The following GPHN variants were observed in gnomAD, a reference collection of about 807,000 sequenced individuals.
The protein encoded by GPHN is gephyrin.
GPHN carries 17 observed loss-of-function variants against 95.5 expected under a neutral mutation model. The ratio of observed to expected loss-of-function variants is 0.18; its 90% CI spans 0.12 to 0.27. The LOEUF (loss-of-function observed/expected upper bound fraction) is 0.27, where lower values mean the gene tolerates loss of function less well. Among genes scored for constraint, GPHN ranks in the 10% least tolerant of loss-of-function variants. The pLI is 1.00. For missense variants in GPHN, 660 were observed against 978.1 expected, an observed-to-expected ratio of 0.67 and a Z score of 4.34; for synonymous variants, 320 against 322.5, an observed-to-expected ratio of 0.99 and a Z score of 0.08.
the GPHN span, among the ~76,000 whole-genome samples, chr14:67,531,652 T>C: frequency 6.6e-6 from 1 of 150,484 alleles, no homozygotes; most frequent in Non-Finnish European, 1.5e-5. Context: ...CGGTGGCTCA[T>C]CCCTGTAATC....
the GPHN span, among the ~76,000 whole-genome samples, chr14:67,476,118 T>C: frequency 6.6e-6 from 1 of 152,068 alleles, no homozygotes; most frequent in Non-Finnish European, 1.5e-5. Context: ...CTCTCCAAGG[T>C]GGGAGAAAAG....
chr14:66,913,069 AG>A (rs1166384756), intron 5 of GPHN, among the ~76,000 whole-genome samples: 4 of 152,150 alleles, frequency 2.6e-5, no homozygotes, highest in Non-Finnish European at 5.9e-5. Flanking sequence ...GGAGGGGATA[AG>A]GGTGGTATGG....
intron 2 of GPHN, among the ~76,000 whole-genome samples, chr14:66,729,807 G>T (rs1186441029): frequency 6.6e-6 from 1 of 152,190 alleles, no homozygotes; most frequent in Non-Finnish European, 1.5e-5. Context: ...ACTTTTGTGG[G>T]CACTGATAGT....
At chr14:67,495,810 C>A in the GPHN span, among the ~76,000 whole-genome samples, 4 of 152,164 alleles carry the variant, frequency 2.6e-5, no homozygotes, top group Non-Finnish European at 5.9e-5. Context: ...TATTTTATTT[C>A]CCCTAAAGTT....
rs767550817 is a variant in GPHN, at chr14:67,110,264, G to A, written c.1413+5G>A. On this transcript the variant is annotated splice_donor_5th_base_variant and intron_variant, in intron 14 of 22. Coordinates refer to ENST00000478722, the MANE Select transcript of GPHN (RefSeq NM_020806.5). ...CTTATCAGGGAATCAGATGATGTAC[G>A]TCATCACCAAGTCTTACTGTGCTGT... 10 of 1,613,136 alleles carry A rather than the reference G, an allele frequency of 6.2e-6. No homozygotes were observed. The highest frequency in any genetic ancestry group is 1.7e-5 in the Admixed American group (1 of 60,012).
At chr14:67,624,203 G>A in the GPHN span, among the ~76,000 whole-genome samples, 1 of 152,198 alleles carries the variant, frequency 6.6e-6, no homozygotes, top group African/African-American at 2.4e-5. Flanking sequence ...TACCATGTGA[G>A]AAGGAGTGGG....
chr14:66,827,745 A>C (rs1188943710), intron 4 of GPHN, among the ~76,000 whole-genome samples: 1 of 152,006 alleles, frequency 6.6e-6, no homozygotes, highest in Admixed American at 6.6e-5. Flanking sequence ...TTATTTCTTA[A>C]TTTTGGTAGG....
Position 67,082,332 on chromosome 14 carries a change from A to C in GPHN, c.1145-6651A>C, listed in dbSNP as rs2076724663. On this transcript the variant is annotated intron_variant, in intron 11 of 22. Transcript: ENST00000478722. ...TATATAGTATAATTGTAAGAGTCCA[A>C]TTTTATTCTTTTGCATTTGGGTATC... Among the ~76,000 whole-genome samples the C allele has an allele frequency of 2.0e-5, 3 of 151,908 alleles. No individual in the cohort carries two copies. In the South Asian group the frequency reaches 6.2e-4, roughly 32 times the overall value.
intron 1 of GPHN, among the ~76,000 whole-genome samples, chr14:66,621,242 T>TGGGGTGG (rs1194137706): frequency 1.3e-5 from 2 of 151,258 alleles, no homozygotes; most frequent in Non-Finnish European, 2.9e-5. Context: ...CCCAAAGTGC[T>TGGGGTGG]GGGATTACAG....
At chr14:67,588,628 C>T in the GPHN span, 3 of 152,094 alleles carry the variant, frequency 2.0e-5, no homozygotes, top group African/African-American at 4.8e-5. Context: ...AAAAACAAAA[C>T]GAAAGAGTTC....
chr14:67,133,024 T>C (rs190893970), intron 17 of GPHN, among the ~76,000 whole-genome samples: 2 of 152,208 alleles, frequency 1.3e-5, no homozygotes, highest in Admixed American at 1.3e-4. Context: ...TCTTCTTTCT[T>C]TACATGACTC....
intron 18 of GPHN, among the ~76,000 whole-genome samples, chr14:67,153,157 G>C (rs1165942871): frequency 6.6e-6 from 1 of 152,090 alleles, no homozygotes; most frequent in Non-Finnish European, 1.5e-5. Context: ...AAATTAGCTA[G>C]GCATAGTGGT....
At chr14:66,650,110 G>A (rs7153901) in intron 1 of GPHN, among the ~76,000 whole-genome samples, 1,813 of 150,760 alleles carry the variant, frequency 0.012, 26 homozygotes, top group African/African-American at 0.04. Context: ...AAAAAAAGCT[G>A]CATTTAAAAG....
chr14:67,015,447 A>C (rs112820045), intron 9 of GPHN, among the ~76,000 whole-genome samples: 2,384 of 152,222 alleles, frequency 0.016, 33 homozygotes, highest in Non-Finnish European at 0.018. Context: ...GCCTGTAATC[A>C]CAGCACTTTG....
chr14:66,670,556 G>T (rs1476038930), intron 1 of GPHN, among the ~76,000 whole-genome samples: 1 of 152,116 alleles, frequency 6.6e-6, no homozygotes, highest in Non-Finnish European at 1.5e-5. Context: ...ACTTTGGGAG[G>T]CCGAGGTGGG....
chr14:67,219,849 T>C, the GPHN span, among the ~76,000 whole-genome samples: 1,487 of 152,244 alleles, frequency 9.8e-3, 13 homozygotes, highest in Non-Finnish European at 0.015. Flanking sequence ...ACAAAACAAA[T>C]TTTGGTTATA....
At chr14:67,359,111 A>G in the GPHN span, among the ~76,000 whole-genome samples, 1 of 152,234 alleles carries the variant, frequency 6.6e-6, no homozygotes, top group African/African-American at 2.4e-5. Flanking sequence ...ACAGCAGGTG[A>G]CATTTGGCGG....
chr14:67,512,597 T>G, the GPHN span, among the ~76,000 whole-genome samples: 1 of 152,170 alleles, frequency 6.6e-6, no homozygotes, highest in South Asian at 2.1e-4. Flanking sequence ...GAGGGTTAGC[T>G]ATCCCTTCCC....
chr14:66,597,589 G>A (rs1222631737), intron 1 of GPHN, among the ~76,000 whole-genome samples: 2 of 152,202 alleles, frequency 1.3e-5, no homozygotes, highest in Admixed American at 6.5e-5. Context: ...CGAGACTGCA[G>A]GAGTGTCTTC....
Sources: gnomAD v4.1 joint callset for allele counts (sites outside exome capture counted in the v4.1 genomes callset) on GRCh38, gnomAD v4.1.1 for gene constraint, MANE v1.5 for transcripts, NCBI Gene and HGNC (gene_info 2026-07-23, HGNC 2026-07-21) for gene names.